MYCBP2: variants seen among roughly 807,000 people sequenced by gnomAD.
MYCBP2 encodes MYC binding protein 2.
MYCBP2 carries 120 observed loss-of-function variants against 525.3 expected under a neutral mutation model. The ratio of observed to expected loss-of-function variants is 0.23; its 90% confidence interval spans 0.20 to 0.27. The LOEUF (loss-of-function observed/expected upper bound fraction) is 0.27, where lower values mean the gene tolerates loss of function less well. Among genes scored for constraint, MYCBP2 ranks in the 10% least tolerant of loss-of-function variants. The pLI, the probability that MYCBP2 is intolerant of heterozygous loss-of-function variation, is 1.00. For missense variants in MYCBP2, 4,149 were observed against 5,657.1 expected, an observed-to-expected ratio of 0.73 and a Z score of 8.55; for synonymous variants, 1,894 against 1,955.8, an observed-to-expected ratio of 0.97 and a Z score of 0.83.
intron 49 of MYCBP2, among the ~76,000 whole-genome samples, chr13:77,142,376 G>C (rs1045283698): frequency 6.6e-6 from 1 of 152,196 alleles, no homozygotes; most frequent in Non-Finnish European, 1.5e-5. Flanking sequence ...AAATAAAGAA[G>C]AGTGCAGCAA....
intron 3 of MYCBP2, among the ~76,000 whole-genome samples, chr13:77,279,866 T>C (rs2076009047): frequency 6.6e-6 from 1 of 152,246 alleles, no homozygotes; most frequent in Non-Finnish European, 1.5e-5. Context: ...TTATAGCATT[T>C]ATTACATTAC....
At chr13:77,163,353 T>A (rs1420850526) in intron 43 of MYCBP2, among the ~76,000 whole-genome samples, 1 of 151,012 alleles carries the variant, frequency 6.6e-6, no homozygotes. Flanking sequence ...CAATATTAAG[T>A]GGGAGAAAAG....
chr13:77,256,904 T>C (rs535747369), intron 14 of MYCBP2, among the ~76,000 whole-genome samples: 11 of 152,224 alleles, frequency 7.2e-5, no homozygotes, highest in African/African-American at 2.4e-4. Context: ...AGAAAGGAAA[T>C]TAGTACATCA....
At chr13:77,071,786 G>T (rs759321546) in intron 68 of MYCBP2, among the ~76,000 whole-genome samples, 3 of 152,104 alleles carry the variant, frequency 2.0e-5, no homozygotes, top group Non-Finnish European at 4.4e-5. Context: ...TTTTTGAAGT[G>T]CACGTGGACA....
At chr13:77,078,359 T>C (rs987776537) in intron 66 of MYCBP2, among the ~76,000 whole-genome samples, 4 of 152,194 alleles carry the variant, frequency 2.6e-5, no homozygotes, top group Non-Finnish European at 5.9e-5. Context: ...CTCAGACACA[T>C]GCCTAGATAA....
In MYCBP2 at chr13:77,156,303, C is replaced by A. The variant is rs540756889; in HGVS notation, c.6771-101G>T. The stretch of plus-strand genomic sequence containing the variant: ...CCAAATGAACAAAACTTGTATCAAA[C>A]AAAATGCTAAAACATTATCTTCATT... On this transcript the variant is annotated intron_variant, in intron 45 of 82. Transcript: ENST00000544440. 115 of 1,093,882 alleles carry A rather than the reference C, an allele frequency of 1.1e-4. No homozygotes were observed. The African/African-American group carries it at 1.4e-3, about 13-fold the overall frequency. 67.8% of individuals were successfully genotyped at this position (1,093,882 alleles called of 1,614,324 possible).
chr13:77,095,627 A>C (rs543090943), intron 57 of MYCBP2, 25 bp from the exon 58 acceptor site: 7 of 1,604,048 alleles, frequency 4.4e-6, no homozygotes, highest in Non-Finnish European at 6.0e-6. Flanking sequence ...AATCAAACTA[A>C]TCTTTTCTGA....
intron 58 of MYCBP2, among the ~76,000 whole-genome samples, chr13:77,094,691 G>A (rs1594476598): frequency 1.3e-5 from 2 of 152,146 alleles, no homozygotes; most frequent in South Asian, 2.1e-4. Flanking sequence ...TCTTCCTGTC[G>A]CTTGCCTGAC....
In MYCBP2 at chr13:77,275,801, T is replaced by A. The variant is rs145662101; in HGVS notation, c.749-2133A>T. Among the ~76,000 whole-genome samples, 3 of 152,080 alleles carry A rather than the reference T, an allele frequency of 2.0e-5. No homozygotes were observed. In the East Asian group the frequency reaches 5.8e-4, roughly 29 times the overall value. ...GAGTTTGAGACCAGCCTGGCCAACA[T>A]AGTGAAACCCTGTCTCTACTAAAAA... On this transcript the variant is annotated intron_variant, in intron 4 of 82. Coordinates refer to ENST00000544440, the MANE Select transcript of MYCBP2 (RefSeq NM_015057.5).
At chr13:77,059,156 G>A (rs1167157920) in intron 77 of MYCBP2, among the ~76,000 whole-genome samples, 2 of 151,850 alleles carry the variant, frequency 1.3e-5, no homozygotes, top group African/African-American at 4.8e-5. Context: ...CATAGAATAT[G>A]TTTATATATG....
rs371964307 is a variant in MYCBP2 at position 77,264,050 on chromosome 13, G to C, written c.1358-48C>G. 8.5e-4 allele frequency: 1,281 copies of C among 1,502,012 alleles called. 1 individual carries two copies. Among genetic ancestry groups the C allele is most frequent in the Non-Finnish European group, 1.1e-3 (1,192 of 1,090,024 alleles). 93.0% of individuals were successfully genotyped at this position (1,502,012 alleles called of 1,614,324 possible). A position where few individuals can be genotyped will look rare whatever the true frequency, so the allele number is the denominator to read the frequency against. ...ATATTACAATACAAGCAAACACCTT[G>C]CAAAATGAATTTACTCCTCTGTTGA... On this transcript the variant is annotated intron_variant, in intron 8 of 82. Transcript: ENST00000544440.
At chr13:77,188,050 G>C (rs926060443) in intron 30 of MYCBP2, among the ~76,000 whole-genome samples, 2 of 137,346 alleles carry the variant, frequency 1.5e-5, no homozygotes, top group Non-Finnish European at 3.0e-5. Context: ...CAGCCTGGGC[G>C]ACAGAGCGAG....
chr13:77,121,258 C>A (rs189675363), intron 55 of MYCBP2, 115 bp downstream of exon 55: 2 of 993,572 alleles, frequency 2.0e-6, no homozygotes, highest in Non-Finnish European at 2.7e-6. Flanking sequence ...TTTCCATGAA[C>A]AAATTTTAAT....
chr13:77,077,373 G>A lies in MYCBP2; in HGVS notation c.11499C>T (p.Ser3833=). The stretch of plus-strand genomic sequence containing the variant: ...CACTTGTTACCCAGCCAATGTGCCT[G>A]GAATCCAGATCAACCTGGTTGAGTA... ...LCRIKQVDLD[S]RHIGWVTSEL... is the part of the protein sequence containing the mutation. The change falls in exon 67 of 83, where the codon TCC becomes TCT. Residue 3833 remains serine (S), a synonymous_variant. Coordinates refer to ENST00000544440, the MANE Select transcript of MYCBP2 (RefSeq NM_015057.5). 6.2e-7 allele frequency: 1 copy of A among 1,613,962 alleles called. No individual in the cohort carries two copies. Among genetic ancestry groups the A allele is most frequent in the Non-Finnish European group, 8.5e-7 (1 of 1,179,906 alleles).
chr13:77,144,802 A>C (rs1439780926), intron 48 of MYCBP2, among the ~76,000 whole-genome samples: 3 of 152,144 alleles, frequency 2.0e-5, no homozygotes, highest in African/African-American at 7.2e-5. Flanking sequence ...TCTGTGAGAC[A>C]ATAAGCAATC....
chr13:77,131,864 C>T (rs1251851666), intron 52 of MYCBP2, among the ~76,000 whole-genome samples: 1 of 152,128 alleles, frequency 6.6e-6, no homozygotes, highest in African/African-American at 2.4e-5. Flanking sequence ...GATAATCTTT[C>T]ATGGCGTAGA....
At chr13:77,121,543 C>T (rs747233863) in intron 54 of MYCBP2, 48 bp from the exon 55 acceptor site, 127 of 1,420,252 alleles carry the variant, frequency 8.9e-5, no homozygotes, top group Non-Finnish European at 1.1e-4. Flanking sequence ...CGTGCTATTC[C>T]CTATTCATAC....
Position 77,051,927 on chromosome 13 carries a change from A to G in MYCBP2, c.13648-9T>C. ...TCACCACCAAAATATGCCTGTGGAG[A>G]AAACACATCTAGATTACAGCAGGAA... On this transcript the variant is annotated splice_polypyrimidine_tract_variant and intron_variant, in intron 80 of 82. Coordinates refer to ENST00000544440, the MANE Select transcript of MYCBP2 (RefSeq NM_015057.5). The G allele has an allele frequency of 6.2e-7, 1 of 1,609,654 alleles. No individual in the cohort carries two copies. Among genetic ancestry groups the G allele is most frequent in the Non-Finnish European group, 8.5e-7 (1 of 1,176,032 alleles).
At chr13:77,277,369 A>C (rs1369194002) in intron 4 of MYCBP2, among the ~76,000 whole-genome samples, 1 of 152,202 alleles carries the variant, frequency 6.6e-6, no homozygotes, top group Non-Finnish European at 1.5e-5. Flanking sequence ...GCCTGCCAAC[A>C]TGACAGCTTC....
Sources: allele counts gnomAD v4.1 joint callset (sites outside exome capture counted in the v4.1 genomes callset), GRCh38; gene constraint gnomAD v4.1.1; transcripts MANE v1.5; gene names NCBI Gene and HGNC (gene_info 2026-07-23, HGNC 2026-07-21).